Variants in GPR39 observed in about 807,000 individuals in gnomAD.
GPR39 encodes the protein zinc sensing receptor.
GPR39 carries 23 observed loss-of-function variants against 18.4 expected under a neutral mutation model. The ratio of observed to expected loss-of-function variants is 1.25; its 90% CI spans 0.90 to 1.77. GPR39 has a LOEUF of 1.77. Among genes scored for constraint, GPR39 ranks in the 40% most tolerant of loss-of-function variants. GPR39 has a pLI of 0.00. For missense variants in GPR39, 647 were observed against 602.4 expected (o/e 1.07, Z -0.78); for synonymous variants, 280 against 257.9 (o/e 1.09, Z -0.82).
chr2:132,472,985 C>T (rs1681061285), intron 1 of GPR39, among the ~76,000 whole-genome samples: 1 of 152,022 alleles, frequency 6.6e-6, no homozygotes, highest in Admixed American at 6.5e-5. Context: ...CGTGAACCCC[C>T]CTGCACCACC....
At chr2:132,638,680 T>C (rs562422783) in intron 1 of GPR39, among the ~76,000 whole-genome samples, 10 of 152,328 alleles carry the variant, frequency 6.6e-5, no homozygotes, top group African/African-American at 2.4e-4. Flanking sequence ...AACACTAACA[T>C]ATAAATTGAG....
Position 132,562,795 on chromosome 2 carries a change from C to T in GPR39, c.857-82306C>T, listed in dbSNP as rs990233983. Reference sequence around the variant, plus strand: ...ACACCTGCATGAATGAAGGTATCCACCTCTTCCTACATCTCTAACTTCAGA... The same window carrying T: ...ACACCTGCATGAATGAAGGTATCCATCTCTTCCTACATCTCTAACTTCAGA... On this transcript the variant is annotated intron_variant, in intron 1 of 1. Coordinates refer to ENST00000329321, the MANE Select transcript of GPR39 (RefSeq NM_001508.3). Among the ~76,000 whole-genome samples the T allele has an allele frequency of 3.3e-5, 5 of 152,224 alleles. 1 individual carries two copies. Among genetic ancestry groups the T allele is most frequent in the African/African-American group, 2.4e-5 (1 of 41,558 alleles).
chr2:132,570,762 T>A (rs574605969), intron 1 of GPR39, among the ~76,000 whole-genome samples: 1 of 152,242 alleles, frequency 6.6e-6, no homozygotes, highest in East Asian at 1.9e-4. Context: ...CACAGTTGAC[T>A]TCCTTGTGAC....
chr2:132,494,433 C>T (rs995940269), intron 1 of GPR39, among the ~76,000 whole-genome samples: 2 of 152,126 alleles, frequency 1.3e-5, no homozygotes, highest in African/African-American at 4.8e-5. Context: ...TCAGTAATGC[C>T]TGGTATTATT....
chr2:132,531,777 A>T (rs1475405706), intron 1 of GPR39, among the ~76,000 whole-genome samples: 1 of 152,254 alleles, frequency 6.6e-6, no homozygotes, highest in Non-Finnish European at 1.5e-5. Context: ...TGAAGGCAGA[A>T]ATAAAGATGT....
chr2:132,494,012 G>A lies in GPR39; in HGVS notation c.856+76114G>A, dbSNP rs148345640. 1.8e-3 allele frequency among the ~76,000 whole-genome samples: 274 copies of A among 152,236 alleles called. 1 individual carries two copies. The highest frequency in any genetic ancestry group is 6.3e-3 in the African/African-American group (260 of 41,532). ...GTGATATGGCTTCATTGACTCCATA[G>A]CTAGTGGGGTTTCTCCAGAGGGAGG... is the stretch of plus-strand genomic sequence containing the variant. On this transcript the variant is annotated intron_variant, in intron 1 of 1. Transcript: ENST00000329321.
chr2:132,618,310 A>G (rs906990599), intron 1 of GPR39, among the ~76,000 whole-genome samples: 1 of 152,144 alleles, frequency 6.6e-6, no homozygotes, highest in East Asian at 1.9e-4. Context: ...CTGGATTTTC[A>G]TTTCATTTTC....
chr2:132,574,587 T>C (rs2104817404), intron 1 of GPR39, among the ~76,000 whole-genome samples: 1 of 152,194 alleles, frequency 6.6e-6, no homozygotes, highest in Middle Eastern at 3.4e-3. Context: ...ATACAAAAAT[T>C]AGCTGGACAT....
At chr2:132,491,282 A>G (rs914692774) in intron 1 of GPR39, among the ~76,000 whole-genome samples, 1 of 152,174 alleles carries the variant, frequency 6.6e-6, no homozygotes, top group African/African-American at 2.4e-5. Context: ...CTTTTTGGAG[A>G]GACAATTCTG....
chr2:132,417,871 G>T lies in GPR39; in HGVS notation c.829G>T (p.Ala277Ser), dbSNP rs1463819889. 6.3e-6 allele frequency: 10 copies of T among 1,597,488 alleles called. No individual in the cohort carries two copies. The highest frequency in any genetic ancestry group is 8.5e-6 in the Non-Finnish European group (10 of 1,173,434). ...GTCCGAGAGCGAAGAGAGCAGGACC[G>T]CCAGGAGGCAGACCATCATCTTCCT... ...RKSESEESRT[A>S]RRQTIIFLRL... The change falls in exon 1 of 2, where the codon GCC (alanine) becomes TCC (serine). Residue 277 changes from alanine (A) to serine (S), a missense_variant. Coordinates refer to ENST00000329321, the MANE Select transcript of GPR39 (RefSeq NM_001508.3).
At chr2:132,631,809 T>C (rs1573708810) in intron 1 of GPR39, among the ~76,000 whole-genome samples, 1 of 151,554 alleles carries the variant, frequency 6.6e-6, no homozygotes, top group African/African-American at 2.4e-5. Flanking sequence ...AAATGAAGTT[T>C]TTCTTCTTCT....
intron 1 of GPR39, among the ~76,000 whole-genome samples, chr2:132,562,176 C>T (rs1680266209): frequency 6.6e-6 from 1 of 151,914 alleles, no homozygotes; most frequent in African/African-American, 2.4e-5. Flanking sequence ...TAAGGCTCTC[C>T]ATATGATTCC....
intron 1 of GPR39, among the ~76,000 whole-genome samples, chr2:132,534,164 A>G (rs1214742228): frequency 6.6e-6 from 1 of 152,218 alleles, no homozygotes; most frequent in South Asian, 2.1e-4. Flanking sequence ...CAACCCCATC[A>G]AAAAGTGGGC....
intron 1 of GPR39, among the ~76,000 whole-genome samples, chr2:132,611,909 C>A (rs1681245408): frequency 6.6e-6 from 1 of 152,166 alleles, no homozygotes; most frequent in Non-Finnish European, 1.5e-5. Flanking sequence ...CTTTATCATG[C>A]TGAATAAATT....
Position 132,491,648 on chromosome 2 carries a change from A to G in GPR39, c.856+73750A>G, listed in dbSNP as rs1315375118. 3.3e-5 allele frequency among the ~76,000 whole-genome samples: 5 copies of G among 151,872 alleles called. No homozygotes were observed. In the East Asian group the frequency reaches 9.7e-4, roughly 29 times the overall value. On this transcript the variant is annotated intron_variant, in intron 1 of 1. Coordinates refer to ENST00000329321, the MANE Select transcript of GPR39 (RefSeq NM_001508.3). ...TGGCAAGATCAGATTTGAGTTTTAG[A>G]TGGCACTGTGGGGAAGGGGTTAGGA...
intron 1 of GPR39, among the ~76,000 whole-genome samples, chr2:132,495,829 C>G (rs1301589740): frequency 1.3e-5 from 2 of 151,998 alleles, no homozygotes; most frequent in Admixed American, 1.3e-4. Context: ...CCCCTTCTCA[C>G]CCCTCCCCTT....
At chr2:132,538,355 T>C (rs1230114067) in intron 1 of GPR39, among the ~76,000 whole-genome samples, 1 of 152,236 alleles carries the variant, frequency 6.6e-6, no homozygotes, top group Non-Finnish European at 1.5e-5. Context: ...CCAGACCCTG[T>C]TCACCTGGGT....
At chr2:132,471,248 C>T (rs929040724) in intron 1 of GPR39, among the ~76,000 whole-genome samples, 1 of 152,034 alleles carries the variant, frequency 6.6e-6, no homozygotes. Context: ...TGAGAATAGT[C>T]CATCCAGTTA....
At chr2:132,518,243 G>C (rs541092747) in intron 1 of GPR39, among the ~76,000 whole-genome samples, 3 of 152,228 alleles carry the variant, frequency 2.0e-5, no homozygotes, top group South Asian at 2.1e-4. Context: ...GCAGAGTGTT[G>C]TAAAGACAGA....
Sources: gnomAD v4.1 joint callset for allele counts (sites outside exome capture counted in the v4.1 genomes callset) on GRCh38, gnomAD v4.1.1 for gene constraint, MANE v1.5 for transcripts, NCBI Gene and HGNC (gene_info 2026-07-23, HGNC 2026-07-21) for gene names.